The following ROBO2 variants were observed in gnomAD, a reference collection of about 807,000 sequenced individuals.
ROBO2 encodes the protein roundabout guidance receptor 2.
In ROBO2, 53 loss-of-function variants were observed where a neutral mutation model predicts 160.8. The observed-to-expected ratio is 0.33, with a 90% CI of 0.26 to 0.41. ROBO2 has a LOEUF of 0.41. Among genes scored for constraint, ROBO2 ranks in the 10% least tolerant of loss-of-function variants. The pLI, the probability that ROBO2 is intolerant of heterozygous loss-of-function variation, is 1.00. For missense variants in ROBO2, 1,577 were observed against 1,722.4 expected, an observed-to-expected ratio of 0.92 and a Z score of 1.49; for synonymous variants, 664 against 611.7, an observed-to-expected ratio of 1.09 and a Z score of -1.26.
chr3:76,647,400 A>C (rs2109817765), intron 2 of ROBO2, among the ~76,000 whole-genome samples: 1 of 152,342 alleles, frequency 6.6e-6, no homozygotes, highest in South Asian at 2.1e-4. Flanking sequence ...AGGAGAGGAC[A>C]AAGCAGAAAC....
chr3:76,808,677 A>G (rs776096037), intron 2 of ROBO2, among the ~76,000 whole-genome samples: 1 of 152,120 alleles, frequency 6.6e-6, no homozygotes, highest in Non-Finnish European at 1.5e-5. Context: ...GGCACAATGG[A>G]AAGTGGCTCA....
intron 6 of ROBO2, among the ~76,000 whole-genome samples, chr3:77,539,042 T>C (rs1270861877): frequency 1.3e-5 from 2 of 152,072 alleles, no homozygotes; most frequent in African/African-American, 4.8e-5. Context: ...CTCAGCCTCC[T>C]GAGGAGCCGG....
chr3:76,024,998 T>C (rs979677846), intron 2 of ROBO2, among the ~76,000 whole-genome samples: 3 of 150,696 alleles, frequency 2.0e-5, no homozygotes, highest in African/African-American at 4.9e-5. Context: ...ATTCTTTATT[T>C]GGCATATTTA....
chr3:76,634,253 TGG>T (rs1339650239), intron 2 of ROBO2, among the ~76,000 whole-genome samples: 2 of 152,186 alleles, frequency 1.3e-5, no homozygotes, highest in African/African-American at 4.8e-5. Context: ...TTCACTTTTG[TGG>T]GTCTGAATTT....
chr3:76,040,566 G>T (rs2067245888), intron 2 of ROBO2, among the ~76,000 whole-genome samples: 1 of 151,860 alleles, frequency 6.6e-6, no homozygotes, highest in African/African-American at 2.4e-5. Context: ...TTTTATTTTT[G>T]TAAGAACAAT....
At chr3:76,857,508 C>T (rs1337417999) in intron 2 of ROBO2, among the ~76,000 whole-genome samples, 2 of 152,124 alleles carry the variant, frequency 1.3e-5, no homozygotes, top group Non-Finnish European at 2.9e-5. Context: ...CAATTTATGA[C>T]ATACCGATTT....
intron 2 of ROBO2, among the ~76,000 whole-genome samples, chr3:76,489,303 C>T (rs374354179): frequency 1.3e-5 from 2 of 151,652 alleles, no homozygotes; most frequent in East Asian, 3.9e-4. Context: ...CCTGCTCTTA[C>T]CTTAAAAATA....
chr3:76,189,517 G>T (rs191944802), intron 2 of ROBO2, among the ~76,000 whole-genome samples: 4 of 151,970 alleles, frequency 2.6e-5, no homozygotes, highest in Admixed American at 1.3e-4. Context: ...TTCCCTATTA[G>T]ATTTTAAACA....
At chr3:76,180,118 C>T (rs1035703199) in intron 2 of ROBO2, among the ~76,000 whole-genome samples, 55 of 152,240 alleles carry the variant, frequency 3.6e-4, no homozygotes, top group South Asian at 6.2e-4. Flanking sequence ...AAAGGTATTT[C>T]CTCAGTGAAT....
At chr3:76,621,630 G>C (rs184348085) in intron 2 of ROBO2, among the ~76,000 whole-genome samples, 32 of 152,234 alleles carry the variant, frequency 2.1e-4, no homozygotes, top group African/African-American at 6.5e-4. Flanking sequence ...AATAATAATA[G>C]CACCCACTTC....
chr3:76,652,427 T>G (rs1273181768), intron 2 of ROBO2, among the ~76,000 whole-genome samples: 1 of 152,202 alleles, frequency 6.6e-6, no homozygotes, highest in Non-Finnish European at 1.5e-5. Flanking sequence ...TCACTCATTT[T>G]ATAAGGGAAA....
At chr3:76,886,666 G>C (rs961145885) in intron 2 of ROBO2, among the ~76,000 whole-genome samples, 2 of 152,094 alleles carry the variant, frequency 1.3e-5, no homozygotes, top group Non-Finnish European at 2.9e-5. Flanking sequence ...GAATTTGGGA[G>C]TAATACTAGA....
chr3:76,326,207 T>A (rs1299709746), intron 2 of ROBO2, among the ~76,000 whole-genome samples: 1 of 152,144 alleles, frequency 6.6e-6, no homozygotes, highest in East Asian at 1.9e-4. Context: ...TTAATTTATC[T>A]TCCACTTAAA....
At chr3:77,033,264 A>G (rs774186073) in intron 2 of ROBO2, among the ~76,000 whole-genome samples, 6 of 152,196 alleles carry the variant, frequency 3.9e-5, no homozygotes, top group Non-Finnish European at 8.8e-5. Flanking sequence ...TGCAGAGATA[A>G]TTGAGTGGAA....
rs1227115978 is a variant in ROBO2 at position 77,294,608 on chromosome 3, A to G, written c.389-182806A>G. On this transcript the variant is annotated intron_variant, in intron 2 of 25. Transcript: ENST00000461745. Reference sequence around the variant, plus strand: ...AAGCTGAGGCTAGATCATCAAAGACATAAAGTAAAATTGACGGTTAAACGG... The same window carrying G: ...AAGCTGAGGCTAGATCATCAAAGACGTAAAGTAAAATTGACGGTTAAACGG... 2.3e-3 allele frequency among the ~76,000 whole-genome samples: 337 copies of G among 148,578 alleles called. 19 individuals carry two copies. The highest frequency in any genetic ancestry group is 8.3e-3 in the African/African-American group (320 of 38,364).
intron 2 of ROBO2, among the ~76,000 whole-genome samples, chr3:76,742,310 AT>A (rs2093815340): frequency 6.6e-6 from 1 of 152,192 alleles, no homozygotes; most frequent in Non-Finnish European, 1.5e-5. Flanking sequence ...TCTGTCAGAT[AT>A]AAATCTTGCA....
At chr3:75,915,677 T>A (rs896679159) in intron 1 of ROBO2, among the ~76,000 whole-genome samples, 6 of 152,144 alleles carry the variant, frequency 3.9e-5, no homozygotes, top group African/African-American at 1.4e-4. Flanking sequence ...AGAGGACTCA[T>A]GTTGAGGTGG....
At chr3:77,237,688 G>C (rs77602191) in intron 2 of ROBO2, among the ~76,000 whole-genome samples, 120 of 152,258 alleles carry the variant, frequency 7.9e-4, no homozygotes, top group Non-Finnish European at 1.1e-3. Flanking sequence ...TATGAATAAA[G>C]CTGCTATAAA....
At chr3:76,059,759 T>C (rs866737425) in intron 2 of ROBO2, among the ~76,000 whole-genome samples, 2 of 152,344 alleles carry the variant, frequency 1.3e-5, no homozygotes, top group African/African-American at 4.8e-5. Context: ...GCCTAGGTTT[T>C]CTTCTAGGGT....
Sources: gnomAD v4.1 joint callset for allele counts (sites outside exome capture counted in the v4.1 genomes callset) on GRCh38, gnomAD v4.1.1 for gene constraint, MANE v1.5 for transcripts, NCBI Gene and HGNC (gene_info 2026-07-23, HGNC 2026-07-21) for gene names.